Variants in ANKRD6 observed in about 807,000 individuals in gnomAD.
ANKRD6 encodes ankyrin repeat domain 6, also known as ankyrin repeat domain-containing protein 6.
In ANKRD6, 56 loss-of-function variants were observed where a neutral mutation model predicts 82.3. That is an observed-to-expected ratio of 0.68 (90% CI 0.55 to 0.85). The LOEUF (loss-of-function observed/expected upper bound fraction) is 0.85, where lower values mean the gene tolerates loss of function less well. ANKRD6 is among the 40% of genes least tolerant of loss of function. The pLI, the probability that ANKRD6 is intolerant of heterozygous loss-of-function variation, is 0.00. For synonymous variants in ANKRD6, 347 were observed against 352.1 expected (o/e 0.99, Z 0.16); for missense variants, 852 against 907.6 (o/e 0.94, Z 0.79).
intron 1 of ANKRD6, among the ~76,000 whole-genome samples, chr6:89,537,040 A>C (rs1783923614): frequency 6.6e-6 from 1 of 152,162 alleles, no homozygotes; most frequent in Non-Finnish European, 1.5e-5. Flanking sequence ...GAAAATATAC[A>C]TGCACAGATG....
At chr6:89,583,686 G>T (rs1300178893) in intron 2 of ANKRD6, among the ~76,000 whole-genome samples, 1 of 152,240 alleles carries the variant, frequency 6.6e-6, no homozygotes, top group Admixed American at 6.5e-5. Context: ...CTATTAGGCT[G>T]CTGTTAAAGA....
chr6:89,510,675 G>A (rs1222878379), intron 1 of ANKRD6, among the ~76,000 whole-genome samples: 1 of 151,976 alleles, frequency 6.6e-6, no homozygotes, highest in Non-Finnish European at 1.5e-5. Context: ...GTACTTATTA[G>A]CAGTGACTCC....
At chr6:89,579,623 G>A (rs1439605102) in intron 2 of ANKRD6, among the ~76,000 whole-genome samples, 1 of 151,936 alleles carries the variant, frequency 6.6e-6, no homozygotes, top group African/African-American at 2.4e-5. Context: ...CGGGTGTGGT[G>A]GTGCACGCCT....
intron 1 of ANKRD6, among the ~76,000 whole-genome samples, chr6:89,448,984 C>T (rs983802603): frequency 1.5e-4 from 22 of 144,816 alleles, no homozygotes; most frequent in South Asian, 4.3e-4. Flanking sequence ...GAGCCGAGAT[C>T]GCGCCACTGC....
intron 6 of ANKRD6, among the ~76,000 whole-genome samples, chr6:89,613,206 C>G (rs16882007): frequency 0.048 from 7,331 of 152,202 alleles, 380 homozygotes; most frequent in East Asian, 0.23. Context: ...TCTTCATACC[C>G]TTTTTTTGCT....
At chr6:89,612,016 G>C (rs968336994) in intron 5 of ANKRD6, among the ~76,000 whole-genome samples, 1 of 152,212 alleles carries the variant, frequency 6.6e-6, no homozygotes, top group African/African-American at 2.4e-5. Flanking sequence ...ATTTGAAAAG[G>C]CTGGCTTTTA....
chr6:89,478,723 C>CTCCA (rs1776384028), intron 1 of ANKRD6, among the ~76,000 whole-genome samples: 1 of 144,636 alleles, frequency 6.9e-6, no homozygotes, highest in Non-Finnish European at 1.5e-5. Context: ...CACCACTGCA[C>CTCCA]TCCAGCCTGG....
At chr6:89,539,189 T>A (rs1431786959) in intron 1 of ANKRD6, among the ~76,000 whole-genome samples, 1 of 152,166 alleles carries the variant, frequency 6.6e-6, no homozygotes, top group Non-Finnish European at 1.5e-5. Context: ...GGAATGTCAG[T>A]TGTCTCATTT....
chr6:89,494,052 C>T (rs948763010), intron 1 of ANKRD6, among the ~76,000 whole-genome samples: 1 of 151,962 alleles, frequency 6.6e-6, no homozygotes, highest in Non-Finnish European at 1.5e-5. Context: ...ACTCTGAATA[C>T]AACACAAGTG....
At chr6:89,441,820 TG>T (rs764674113) in intron 1 of ANKRD6, among the ~76,000 whole-genome samples, 2 of 150,206 alleles carry the variant, frequency 1.3e-5, no homozygotes, top group Non-Finnish European at 1.5e-5. Flanking sequence ...TTAGTAGAGA[TG>T]GGGTTTCACC....
intron 1 of ANKRD6, among the ~76,000 whole-genome samples, chr6:89,461,622 A>G (rs1159037926): frequency 6.6e-6 from 1 of 152,240 alleles, no homozygotes; most frequent in Non-Finnish European, 1.5e-5. Context: ...CTTTGGTATC[A>G]TTCATAAAAG....
chr6:89,630,327 A>C (rs1306586890), intron 15 of ANKRD6, 106 bp from the exon 16 acceptor site: 4 of 1,329,610 alleles, frequency 3.0e-6, no homozygotes, highest in East Asian at 2.5e-5. Context: ...GTGATGGAGA[A>C]GGCTGGTGAT....
In ANKRD6 at chr6:89,527,601, CAAAAAAAAAAAA is replaced by C. The variant is rs35855223; in HGVS notation, c.-143-39219_-143-39208del. ...TGAGCAAGACAGGGAGACTCCGTCT[CAAAAAAAAAAAA>C]AAAAAAAAAAAAAGAAAAAGAAAAG... On this transcript the variant is annotated intron_variant, in intron 1 of 15. Coordinates refer to ENST00000339746, the MANE Select transcript of ANKRD6 (RefSeq NM_001242809.2). Among the ~76,000 whole-genome samples, 51 of 45,704 alleles carry C rather than the reference CAAAAAAAAAAAA, an allele frequency of 1.1e-3. 1 individual carries two copies. In the South Asian group the frequency reaches 0.058, roughly 52 times the overall value. The allele number at this position is 45,704 out of a possible 152,430, so 30.0% of individuals were successfully genotyped here.
At chr6:89,507,815 C>T (rs1449905684) in intron 1 of ANKRD6, among the ~76,000 whole-genome samples, 2 of 152,124 alleles carry the variant, frequency 1.3e-5, no homozygotes, top group African/African-American at 2.4e-5. Context: ...ATAGTAAATG[C>T]TCCAAAGATA....
chr6:89,628,991 A>G, intron 14 of ANKRD6, 121 bp from the exon 15 acceptor site: 3 of 1,136,906 alleles, frequency 2.6e-6, no homozygotes, highest in Admixed American at 2.6e-5. Flanking sequence ...GGTTTGTTAG[A>G]TGGTATCCTC....
intron 1 of ANKRD6, among the ~76,000 whole-genome samples, chr6:89,512,439 C>T (rs1728763718): frequency 6.6e-6 from 1 of 152,204 alleles, no homozygotes; most frequent in Non-Finnish European, 1.5e-5. Flanking sequence ...ATCTAAGCCA[C>T]CTCTTGGTTT....
At chr6:89,475,297 G>C (rs577694341) in intron 1 of ANKRD6, among the ~76,000 whole-genome samples, 7 of 152,160 alleles carry the variant, frequency 4.6e-5, no homozygotes, top group Non-Finnish European at 7.3e-5. Context: ...AGTCATGCAC[G>C]TATGACTCTT....
chr6:89,562,986 G>A (rs1787687654), intron 1 of ANKRD6: 1 of 152,192 alleles, frequency 6.6e-6, no homozygotes, highest in Admixed American at 6.5e-5. Context: ...ACCAGTTCCT[G>A]GGTGCCTGTG....
intron 1 of ANKRD6, among the ~76,000 whole-genome samples, chr6:89,480,915 C>T (rs1776717252): frequency 8.2e-6 from 1 of 121,614 alleles, no homozygotes; most frequent in Admixed American, 1.1e-4. Context: ...GCACTTCAGC[C>T]TGGGTGACAG....
Sources: gnomAD v4.1 joint callset for allele counts (sites outside exome capture counted in the v4.1 genomes callset) on GRCh38, gnomAD v4.1.1 for gene constraint, MANE v1.5 for transcripts, NCBI Gene and HGNC (gene_info 2026-07-23, HGNC 2026-07-21) for gene names.